Variants in CENPI observed in about 807,000 individuals in gnomAD.
CENPI encodes centromere protein I, also known as FSH primary response 1.
A neutral mutation model predicts 60.4 loss-of-function variants in CENPI; 4 were observed. That is an observed-to-expected ratio of 0.07 (90% CI 0.03 to 0.15). CENPI has a LOEUF of 0.15. Ranked by LOEUF, CENPI falls within the 10% of genes least tolerant of loss-of-function variation. The pLI, the probability that CENPI is intolerant of heterozygous loss-of-function variation, is 1.00. For missense variants in CENPI, 444 were observed against 534.5 expected (o/e 0.83, Z 1.67); for synonymous variants, 157 against 189.4 (o/e 0.83, Z 1.40).
chrX:101,141,716 C>T (rs974536383), intron 16 of CENPI, among the ~76,000 whole-genome samples: 1 of 110,416 alleles, frequency 9.1e-6, no homozygotes, highest in Non-Finnish European at 1.9e-5. Context: ...AAGAATAGTA[C>T]GTTTGAAATT....
intron 21 of CENPI, among the ~76,000 whole-genome samples, chrX:101,161,978 T>G (rs1427359272): frequency 9.1e-6 from 1 of 109,647 alleles, no homozygotes; most frequent in African/African-American, 3.3e-5. Flanking sequence ...TCTTGCTCTG[T>G]CCCCCAGGCT....
chrX:101,176,851 T>C, the CENPI span, among the ~76,000 whole-genome samples: 1 of 112,784 alleles, frequency 8.9e-6, no homozygotes, highest in Admixed American at 9.4e-5. Flanking sequence ...CAATGTTTTA[T>C]AGTTTCAGGT....
At position 101,130,020 on chromosome X, in the gene CENPI, A is replaced by G. The variant is rs1356753553; in HGVS notation, c.1234A>G (p.Lys412Glu). The G allele has an allele frequency of 5.0e-6, 6 of 1,205,833 alleles. No individual in the cohort carries two copies. The highest frequency in any genetic ancestry group is 6.7e-6 in the Non-Finnish European group (6 of 890,066). ...WYKVNNYEHGKEFTNFLDTII... is the reference protein window; with the variant it reads ...WYKVNNYEHGEEFTNFLDTII... ...CAAGGTGAATAATTATGAACATGGA[A>G]AAGAATTTACCAACTTCCTGGATAC... is the stretch of plus-strand genomic sequence containing the variant. The change falls in exon 13 of 22, where the codon AAA becomes GAA. Residue 412 changes from lysine to glutamate, a missense_variant. Transcript: ENST00000682095.
At chrX:101,117,949 A>G (rs756236669) in intron 6 of CENPI, among the ~76,000 whole-genome samples, 3 of 112,407 alleles carry the variant, frequency 2.7e-5, no homozygotes, top group South Asian at 7.4e-4. Context: ...AGCTGGCAGG[A>G]AAGCGGTCAG....
intron 13 of CENPI, 119 bp downstream of exon 13, chrX:101,130,192 T>TG: frequency 2.1e-6 from 1 of 470,598 alleles, no homozygotes; most frequent in Non-Finnish European, 3.6e-6. Context: ...CTCAGCACTT[T>TG]GGAGGCCAAG....
At chrX:101,124,189 A>G (rs191308782) in intron 8 of CENPI, among the ~76,000 whole-genome samples, 81 of 107,539 alleles carry the variant, frequency 7.5e-4, no homozygotes, top group African/African-American at 2.6e-3. Flanking sequence ...GGTGGCTGGT[A>G]AGTCCAAAAT....
chrX:101,172,336 A>G, the CENPI span, among the ~76,000 whole-genome samples: 2 of 112,028 alleles, frequency 1.8e-5, no homozygotes, highest in Non-Finnish European at 3.8e-5. Flanking sequence ...TGTCTTCACA[A>G]AAGTTTGAAC....
At chrX:101,135,974 T>C (rs749905120) in intron 15 of CENPI, among the ~76,000 whole-genome samples, 8 of 112,424 alleles carry the variant, frequency 7.1e-5, no homozygotes, top group Admixed American at 4.7e-4. Context: ...CCACCTGCCT[T>C]GGCCTACCAG....
chrX:101,120,229 G>GT (rs773920917), intron 6 of CENPI, among the ~76,000 whole-genome samples, 173 bp from the exon 7 acceptor site: 23 of 111,414 alleles, frequency 2.1e-4, no homozygotes, highest in African/African-American at 6.5e-4. Flanking sequence ...TAAAACTATT[G>GT]TTTTTTTATC....
At chrX:101,178,807 T>G in the CENPI span, among the ~76,000 whole-genome samples, 22 of 112,071 alleles carry the variant, frequency 2.0e-4, no homozygotes, top group African/African-American at 7.1e-4. Context: ...TTACCCTAAA[T>G]TTCAGAATTT....
Position 101,147,542 on chromosome X carries a change from C to G in CENPI, c.1827-221C>G, listed in dbSNP as rs12391617. Among the ~76,000 whole-genome samples, 31,669 of 110,714 alleles carry G rather than the reference C, an allele frequency of 0.29. 3,626 individuals carry two copies. Among genetic ancestry groups the G allele is most frequent in the African/African-American group, 0.41 (12,591 of 30,457 alleles). ...CATTGCTTATTTTTTATTTAGTCAA[C>G]TACACATCTTAAGTGTACAACTTAT... On this transcript the variant is annotated intron_variant, in intron 18 of 21. Coordinates refer to ENST00000682095, the MANE Select transcript of CENPI (RefSeq NM_001386188.2).
intron 8 of CENPI, among the ~76,000 whole-genome samples, chrX:101,125,747 A>G (rs1309982571): frequency 8.9e-6 from 1 of 111,907 alleles, no homozygotes; most frequent in Admixed American, 9.6e-5. Flanking sequence ...GGGAGAACCC[A>G]GAATTAATCA....
intron 16 of CENPI, among the ~76,000 whole-genome samples, chrX:101,142,795 G>A (rs1432196657): frequency 2.7e-5 from 3 of 111,640 alleles, no homozygotes; most frequent in Non-Finnish European, 5.6e-5. Context: ...AAAAATCATA[G>A]TTAAGATACA....
intron 20 of CENPI, among the ~76,000 whole-genome samples, chrX:101,154,583 AAAAC>A (rs2090036489): frequency 9.0e-6 from 1 of 111,239 alleles, no homozygotes; most frequent in Non-Finnish European, 1.9e-5. Context: ...TCTGTCTAAA[AAAAC>A]AAAACAAAAC....
chrX:101,146,303 G>C (rs199768402), intron 18 of CENPI, 26 bp downstream of exon 18: 1 of 1,166,839 alleles, frequency 8.6e-7, no homozygotes, highest in Non-Finnish European at 1.2e-6. Flanking sequence ...ACCATTTTAT[G>C]AAACAGTGTA....
In CENPI at chrX:101,148,069, C is replaced by T. The variant is rs2089977254; in HGVS notation, c.2002C>T (p.Leu668=). The T allele has an allele frequency of 8.5e-7, 1 of 1,176,035 alleles. No individual in the cohort carries two copies. Among genetic ancestry groups the T allele is most frequent in the African/African-American group, 1.8e-5 (1 of 55,361 alleles). ...AGGAATATATATTGACCCTGAAATCCTAGAAAAAACTGGAGTGGCTGAATA... is the reference window on the plus strand; with the variant it reads ...AGGAATATATATTGACCCTGAAATCTTAGAAAAAACTGGAGTGGCTGAATA... ...GKGIYIDPEI[L]EKTGVAEYKN... is the part of the protein sequence containing the mutation. Residue 668 remains leucine (L), a synonymous_variant, in exon 20 of 22, where the codon CTA becomes TTA. Coordinates refer to ENST00000682095, the MANE Select transcript of CENPI (RefSeq NM_001386188.2).
chrX:101,102,401 T>C lies in CENPI; in HGVS notation c.354T>C (p.Ser118=). 1 of 1,167,736 alleles carries C rather than the reference T, an allele frequency of 8.6e-7. No homozygotes were observed. Among genetic ancestry groups the C allele is most frequent in the Non-Finnish European group, 1.1e-6 (1 of 872,942 alleles). Reference sequence around the variant, plus strand: ...ATATTCTATTAAATATTGCACTCAGTGGCAAATTTGGTATGTTGAGGAAAT... The same window carrying C: ...ATATTCTATTAAATATTGCACTCAGCGGCAAATTTGGTATGTTGAGGAAAT... ...EIDILLNIAL[S]GKFGNAVNTR... The change falls in exon 4 of 22, where the codon AGT becomes AGC. Residue 118 remains serine, a synonymous_variant. Coordinates refer to ENST00000682095, the MANE Select transcript of CENPI (RefSeq NM_001386188.2).
In CENPI at chrX:101,136,305, G is replaced by A. The variant is rs1032686627; in HGVS notation, c.1470+3849G>A. ...TGTAGAATATGAAGGTGTATGTTTAGGTTACCACAGAACAGAGGTTCTGGA... is the reference window on the plus strand; with the variant it reads ...TGTAGAATATGAAGGTGTATGTTTAAGTTACCACAGAACAGAGGTTCTGGA... On this transcript the variant is annotated intron_variant, in intron 15 of 21. Coordinates refer to ENST00000682095, the MANE Select transcript of CENPI (RefSeq NM_001386188.2). Among the ~76,000 whole-genome samples the A allele has an allele frequency of 1.3e-4, 15 of 111,588 alleles. No individual in the cohort carries two copies. The Admixed American group carries it at 1.3e-3, about 10-fold the overall frequency.
chrX:101,147,391 C>A (rs760422857), intron 18 of CENPI, among the ~76,000 whole-genome samples: 2 of 109,693 alleles, frequency 1.8e-5, no homozygotes, highest in African/African-American at 6.7e-5. Context: ...CCTTGACCCC[C>A]GACCCCCGAC....
Sources: allele counts gnomAD v4.1 joint callset (sites outside exome capture counted in the v4.1 genomes callset), GRCh38; gene constraint gnomAD v4.1.1; transcripts MANE v1.5; gene names NCBI Gene and HGNC (gene_info 2026-07-23, HGNC 2026-07-21).